The following PCDHGA2 variants were observed in gnomAD, a reference collection of about 807,000 sequenced individuals.
The protein encoded by PCDHGA2 is protocadherin gamma-A2.
Under a neutral mutation model 59.2 loss-of-function variants are expected in PCDHGA2, and 40 were observed. The ratio of observed to expected loss-of-function variants is 0.68; its 90% CI spans 0.52 to 0.88. The LOEUF (loss-of-function observed/expected upper bound fraction) is 0.88, where lower values mean the gene tolerates loss of function less well. PCDHGA2 is among the 40% of genes least tolerant of loss of function. PCDHGA2 has a pLI of 0.00. For synonymous variants in PCDHGA2, 560 were observed against 526.0 expected (o/e 1.06, Z -0.89); for missense variants, 1,226 against 1,204.0 (o/e 1.02, Z -0.27).
intron 1 of PCDHGA2, chr5:141,376,383 A>G: frequency 5.0e-6 from 8 of 1,614,228 alleles, no homozygotes; most frequent in Non-Finnish European, 6.8e-6. Flanking sequence ...CGTAAGAGTC[A>G]TCTGATTTTC....
chr5:141,351,375 C>A, intron 1 of PCDHGA2: 1 of 1,612,582 alleles, frequency 6.2e-7, no homozygotes, highest in Non-Finnish European at 8.5e-7. Flanking sequence ...GACAAGGATT[C>A]TGGGCAAAAT....
At chr5:141,426,374 C>G (rs908991939) in intron 1 of PCDHGA2, 2 of 219,094 alleles carry the variant, frequency 9.1e-6, no homozygotes, top group East Asian at 1.0e-4. Flanking sequence ...GGGGCACCCT[C>G]GGAGCAGATC....
At chr5:141,353,976 C>T (rs942442773) in intron 1 of PCDHGA2, among the ~76,000 whole-genome samples, 6 of 152,192 alleles carry the variant, frequency 3.9e-5, no homozygotes, top group African/African-American at 1.4e-4. Context: ...TGATGTACTG[C>T]TTTATCTCAA....
At chr5:141,459,568 CAG>C (rs930633590) in intron 1 of PCDHGA2, among the ~76,000 whole-genome samples, 1 of 152,152 alleles carries the variant, frequency 6.6e-6, no homozygotes, top group Non-Finnish European at 1.5e-5. Context: ...TACCCCAAAA[CAG>C]AATTGTTTTG....
intron 3 of PCDHGA2, among the ~76,000 whole-genome samples, chr5:141,509,686 G>A (rs1350812680): frequency 6.6e-6 from 1 of 152,212 alleles, no homozygotes; most frequent in Non-Finnish European, 1.5e-5. Flanking sequence ...CTTCTGTACA[G>A]TGGGACGTTG....
At chr5:141,394,188 G>A (rs772537455) in intron 1 of PCDHGA2, 1 of 1,613,828 alleles carries the variant, frequency 6.2e-7, no homozygotes, top group Non-Finnish European at 8.5e-7. Flanking sequence ...CTCCTACTCA[G>A]CGTATATCCT....
chr5:141,383,276 T>G lies in PCDHGA2; in HGVS notation c.2424+41881T>G, dbSNP rs550293015. The G allele has an allele frequency of 3.8e-5, 61 of 1,613,822 alleles. No homozygotes were observed. The highest frequency in any genetic ancestry group is 5.1e-5 in the Non-Finnish European group (60 of 1,179,878). Reference sequence around the variant, plus strand: ...CCTATAGACGTGGAAATAATAGATATTAATGACAACGTTCCAAGATTCTTG... The same window carrying G: ...CCTATAGACGTGGAAATAATAGATAGTAATGACAACGTTCCAAGATTCTTG... On this transcript the variant is annotated intron_variant, in intron 1 of 3. Transcript: ENST00000394576.
chr5:141,420,488 A>C, intron 1 of PCDHGA2: 1 of 534,916 alleles, frequency 1.9e-6, no homozygotes, highest in East Asian at 3.8e-5. Context: ...CTACATGGGT[A>C]ATCTCCGGTG....
At chr5:141,388,939 A>G in intron 1 of PCDHGA2, 1 of 1,613,984 alleles carries the variant, frequency 6.2e-7, no homozygotes, top group Non-Finnish European at 8.5e-7. Flanking sequence ...TCTCTACCCA[A>G]CCTAATTATG....
intron 1 of PCDHGA2, chr5:141,384,146 C>T (rs369384722): frequency 6.2e-7 from 1 of 1,613,048 alleles, no homozygotes; most frequent in African/African-American, 1.3e-5. Context: ...GAAACACTCT[C>T]TTTGTATAAC....
chr5:141,413,262 G>A (rs2095621152), intron 1 of PCDHGA2: 2 of 1,613,960 alleles, frequency 1.2e-6, no homozygotes, highest in South Asian at 1.1e-5. Context: ...TTCCATGGGA[G>A]GCTGGAGCCC....
intron 1 of PCDHGA2, chr5:141,372,171 G>A (rs573101178): frequency 2.5e-6 from 4 of 1,613,744 alleles, no homozygotes; most frequent in East Asian, 4.5e-5. Flanking sequence ...CAAGGTGGTG[G>A]CGGTGGACGC....
At chr5:141,381,396 T>C (rs890483811) in intron 1 of PCDHGA2, among the ~76,000 whole-genome samples, 2 of 152,262 alleles carry the variant, frequency 1.3e-5, no homozygotes, top group African/African-American at 4.8e-5. Context: ...AGTTTTACTC[T>C]ATCAACATCA....
chr5:141,358,643 A>G (rs1291324695), intron 1 of PCDHGA2, among the ~76,000 whole-genome samples: 1 of 152,082 alleles, frequency 6.6e-6, no homozygotes, highest in Non-Finnish European at 1.5e-5. Context: ...ATATATAAGT[A>G]GATTCTAGGA....
intron 1 of PCDHGA2, chr5:141,372,223 A>G: frequency 6.2e-7 from 1 of 1,613,464 alleles, no homozygotes; most frequent in Non-Finnish European, 8.5e-7. Context: ...CACATTGTGC[A>G]GGCCAGCGAG....
At position 141,362,450 on chromosome 5, in the gene PCDHGA2, CG is replaced by C. The variant is rs749881682; in HGVS notation, c.2424+21057del. 9 of 1,614,050 alleles carry C rather than the reference CG, an allele frequency of 5.6e-6. No homozygotes were observed. The African/African-American group carries it at 1.2e-4, about 22-fold the overall frequency. ...GAGTTCAATTTTCTGAACATAACCC[CG>C]GAATTGGTTCCCGCGCAAGATCTCG... On this transcript the variant is annotated intron_variant, in intron 1 of 3. Coordinates refer to ENST00000394576, the MANE Select transcript of PCDHGA2 (RefSeq NM_018915.4).
intron 1 of PCDHGA2, among the ~76,000 whole-genome samples, chr5:141,484,096 G>T (rs539388257): frequency 6.6e-6 from 1 of 152,244 alleles, no homozygotes; most frequent in Non-Finnish European, 1.5e-5. Flanking sequence ...GTCTTCGTTG[G>T]TAATTAACAA....
chr5:141,391,196 T>C (rs887079701), intron 1 of PCDHGA2: 1 of 152,158 alleles, frequency 6.6e-6, no homozygotes, highest in Non-Finnish European at 1.5e-5. Flanking sequence ...ACAAAATATA[T>C]ACAAAATACC....
chr5:141,355,866 C>T (rs770899476), intron 1 of PCDHGA2: 1 of 1,612,878 alleles, frequency 6.2e-7, no homozygotes, highest in Admixed American at 1.7e-5. Context: ...ACCCGGTTCG[C>T]TCTGGCACTG....
Sources: allele counts gnomAD v4.1 joint callset (sites outside exome capture counted in the v4.1 genomes callset), GRCh38; gene constraint gnomAD v4.1.1; transcripts MANE v1.5; gene names NCBI Gene and HGNC (gene_info 2026-07-23, HGNC 2026-07-21).